Variants in EXD1 observed in about 807,000 individuals in gnomAD.
EXD1 encodes the protein piRNA biogenesis protein EXD1.
A neutral mutation model predicts 49.1 loss-of-function variants in EXD1; 63 were observed. That is an observed-to-expected ratio of 1.28 (90% CI 1.05 to 1.58). EXD1 has a LOEUF of 1.58. EXD1 is among the 40% of genes most tolerant of loss of function. EXD1 has a pLI of 0.00. For missense variants in EXD1, 748 were observed against 666.0 expected (o/e 1.12, Z -1.36); for synonymous variants, 234 against 239.2 (o/e 0.98, Z 0.20).
chr15:41,222,067 T>C (rs879284750), intron 2 of EXD1, among the ~76,000 whole-genome samples: 1 of 150,448 alleles, frequency 6.6e-6, no homozygotes, highest in African/African-American at 2.5e-5. Flanking sequence ...GCCACTACAC[T>C]CCAGACTGGG....
chr15:41,195,663 CA>C (rs33987701), intron 9 of EXD1, 111 bp downstream of exon 9: 47,933 of 540,736 alleles, frequency 0.089, 26 homozygotes, highest in East Asian at 0.13. Context: ...AATGGAGCAC[CA>C]AAAAAAAAAA....
chr15:41,209,709 C>T (rs772828932), intron 6 of EXD1, 122 bp from the exon 7 acceptor site: 2 of 795,046 alleles, frequency 2.5e-6, no homozygotes, highest in African/African-American at 3.5e-5. Context: ...GTTAAACTTA[C>T]AAAATTTGAT....
At chr15:41,217,219 C>A (rs2047013738) in intron 3 of EXD1, 65 bp from the exon 4 acceptor site, 2 of 1,296,776 alleles carry the variant, frequency 1.5e-6, no homozygotes, top group Non-Finnish European at 2.2e-6. Flanking sequence ...TACTCCACTA[C>A]CCACACACCC....
intron 1 of EXD1, among the ~76,000 whole-genome samples, chr15:41,227,607 T>C (rs1595464188): frequency 6.6e-6 from 1 of 150,400 alleles, no homozygotes; most frequent in Non-Finnish European, 1.5e-5. Flanking sequence ...GAGGCAGAGG[T>C]TGCAGTGAGC....
intron 11 of EXD1, among the ~76,000 whole-genome samples, chr15:41,188,540 C>T (rs1187958720): frequency 6.6e-6 from 1 of 151,458 alleles, no homozygotes; most frequent in Non-Finnish European, 1.5e-5. Flanking sequence ...CTACAGGTGC[C>T]CGCCACCATG....
intron 10 of EXD1, among the ~76,000 whole-genome samples, chr15:41,190,902 A>G (rs113913466): frequency 4.9e-3 from 2 of 408 alleles, no homozygotes; most frequent in Non-Finnish European, 0.043. Context: ...TTATTTGTTT[A>G]TTTATTTATT....
At chr15:41,187,930 G>A (rs945872436) in intron 11 of EXD1, among the ~76,000 whole-genome samples, 6 of 145,972 alleles carry the variant, frequency 4.1e-5, no homozygotes, top group South Asian at 2.1e-4. Context: ...CAGGAGAATC[G>A]CCTGAACCCA....
intron 7 of EXD1, among the ~76,000 whole-genome samples, chr15:41,205,164 G>A (rs78690789): frequency 6.6e-6 from 1 of 152,074 alleles, no homozygotes; most frequent in African/African-American, 2.4e-5. Flanking sequence ...CTGCCTTTTT[G>A]TGAGTTAAGT....
chr15:41,188,192 A>G (rs2046445961), intron 11 of EXD1, among the ~76,000 whole-genome samples: 2 of 151,814 alleles, frequency 1.3e-5, no homozygotes, highest in Admixed American at 6.6e-5. Context: ...TTTTTTAACA[A>G]TACTTTAAAA....
rs2046344387 is a variant in EXD1, at chr15:41,182,858, A to G, written c.*1073T>C. On this transcript the variant is annotated 3_prime_UTR_variant, in exon 12 of 12. Transcript: ENST00000458580. Reference sequence around the variant, plus strand: ...CCTTCCTTTCACCCTAAGAAAGTATACTAACTCCAGGCAAATAGAATGGAG... The same window carrying G: ...CCTTCCTTTCACCCTAAGAAAGTATGCTAACTCCAGGCAAATAGAATGGAG... The G allele has an allele frequency of 6.6e-6, 1 of 152,230 alleles. No homozygotes were observed. Among genetic ancestry groups the G allele is most frequent in the Non-Finnish European group, 1.5e-5 (1 of 68,040 alleles). 9.4% of individuals were successfully genotyped at this position (152,230 alleles called of 1,614,324 possible).
intron 3 of EXD1, among the ~76,000 whole-genome samples, chr15:41,219,293 A>G (rs117296866): frequency 0.023 from 3,501 of 152,242 alleles, 63 homozygotes; most frequent in Non-Finnish European, 0.037. Flanking sequence ...ATTTTGTTGT[A>G]ACTCTTGGTG....
chr15:41,230,696 G>T lies in EXD1; in HGVS notation c.-271C>A, dbSNP rs2047229155. ...AGGCTGAAAACCTGGAGAAAGGTCC[G>T]CGACGCCGGGGACACACGCCGCAGA... On this transcript the variant is annotated 5_prime_UTR_variant, in exon 1 of 12. Transcript: ENST00000458580. The T allele has an allele frequency of 1.3e-6, 1 of 775,360 alleles. No homozygotes were observed. 48.0% of individuals were successfully genotyped at this position (775,360 alleles called of 1,614,324 possible).
intron 6 of EXD1, 97 bp downstream of exon 6, chr15:41,215,678 T>TC (rs2140891790): frequency 8.0e-7 from 1 of 1,255,584 alleles, no homozygotes; most frequent in African/African-American, 1.8e-5. Context: ...AGAGCAAGAC[T>TC]CCGTCTCAAA....
chr15:41,220,301 C>T (rs2047067409), intron 2 of EXD1, among the ~76,000 whole-genome samples: 2 of 150,326 alleles, frequency 1.3e-5, no homozygotes, highest in Non-Finnish European at 3.0e-5. Flanking sequence ...GATGGAGTCT[C>T]GTTCTGTCAC....
chr15:41,219,690 G>T, intron 3 of EXD1, 140 bp downstream of exon 3: 1 of 646,106 alleles, frequency 1.5e-6, no homozygotes, highest in Non-Finnish European at 2.6e-6. Context: ...TACTCATAGA[G>T]TACCCACAGA....
chr15:41,199,325 T>C (rs2046669446), intron 7 of EXD1, among the ~76,000 whole-genome samples: 1 of 151,428 alleles, frequency 6.6e-6, no homozygotes, highest in Non-Finnish European at 1.5e-5. Flanking sequence ...TCAACACAAG[T>C]GATCCACCCG....
intron 1 of EXD1, among the ~76,000 whole-genome samples, chr15:41,229,548 C>G (rs1213010490): frequency 6.6e-6 from 1 of 152,138 alleles, no homozygotes; most frequent in Non-Finnish European, 1.5e-5. Flanking sequence ...GCGGGCAGAT[C>G]ACCTGAGATA....
chr15:41,184,349 T>A lies in EXD1; in HGVS notation c.1301A>T (p.Asp434Val). Residue 434 changes from aspartate (D) to valine (V), a missense_variant, in exon 12 of 12, where the codon GAT (aspartate) becomes GTT (valine). Transcript: ENST00000458580. ...AGATTCTTCTTTCAGTAAATTCACA[T>A]CCCCGTGAAAGTCTTGAGATGTAAA... ...PSFTSQDFHG[D>V]VNLLKEESLN... is the part of the protein sequence containing the mutation. 1 of 1,614,194 alleles carries A rather than the reference T, an allele frequency of 6.2e-7. No individual in the cohort carries two copies. The highest frequency in any genetic ancestry group is 8.5e-7 in the Non-Finnish European group (1 of 1,180,038).
At chr15:41,192,593 C>T (rs2928143) in intron 9 of EXD1, among the ~76,000 whole-genome samples, 39,917 of 85,174 alleles carry the variant, frequency 0.47, 9,642 homozygotes, top group East Asian at 0.64. Flanking sequence ...CTGCGCCAGG[C>T]ATTTTTTTTT....
Sources: gnomAD v4.1 joint callset for allele counts (sites outside exome capture counted in the v4.1 genomes callset) on GRCh38, gnomAD v4.1.1 for gene constraint, MANE v1.5 for transcripts, NCBI Gene and HGNC (gene_info 2026-07-23, HGNC 2026-07-21) for gene names.